Variants in PIGR observed in about 807,000 individuals in gnomAD.
The protein encoded by PIGR is hepatocellular carcinoma associated protein TB6.
PIGR carries 22 observed loss-of-function variants against 69.5 expected under a neutral mutation model. That is an observed-to-expected ratio of 0.32 (90% CI 0.23 to 0.45). The LOEUF (loss-of-function observed/expected upper bound fraction) is 0.45. Ranked by LOEUF, PIGR falls within the 20% of genes least tolerant of loss-of-function variation. The pLI, the probability that PIGR is intolerant of heterozygous loss-of-function variation, is 1.00. For missense variants in PIGR, 885 were observed against 974.0 expected (o/e 0.91, Z 1.22); for synonymous variants, 413 against 407.6 (o/e 1.01, Z -0.16).
chr1:206,935,858 G>T lies in PIGR; in HGVS notation c.1046-40C>A. The T allele has an allele frequency of 6.7e-7, 1 of 1,490,174 alleles. No homozygotes were observed. The highest frequency in any genetic ancestry group is 9.1e-7 in the Non-Finnish European group (1 of 1,095,326). The allele number at this position is 1,490,174 out of a possible 1,614,324, so 92.3% of individuals were successfully genotyped here. A position where few individuals can be genotyped will look rare whatever the true frequency, so the allele number is the denominator to read the frequency against. On this transcript the variant is annotated intron_variant, in intron 4 of 10. Transcript: ENST00000356495. This position sits in a 1 kb window ranked among gnomAD's most constrained non-coding sequence, Gnocchi z 4.4. ...AGAGATGGGATGGGAGGATGGCCAC[G>T]CAGGAAGAGCCTTGCGTGGCCTGAG...
chr1:206,935,531 C>A lies in PIGR; in HGVS notation c.1333G>T (p.Gly445Cys), dbSNP rs201253518. The change falls in exon 5 of 11, where the codon GGC (glycine) becomes TGC (cysteine). Residue 445 changes from glycine to cysteine, a missense_variant. Physicochemically the swap from Gly to Cys is radical, Grantham distance 159. Transcript: ENST00000356495. This position sits in a 1 kb window ranked among gnomAD's most constrained non-coding sequence, Gnocchi z 4.4. ...DAGFYWCLTN[G>C]DTLWRTTVEI... is the part of the protein sequence containing the mutation. ...ACGGTGGTCCTCCAGAGAGTATCGC[C>A]GTTGGTCAGACACCAGTAGAAGCCG... The A allele has an allele frequency of 6.2e-7, 1 of 1,614,004 alleles. No homozygotes were observed. The highest frequency in any genetic ancestry group is 1.7e-5 in the Admixed American group (1 of 59,994).
intron 1 of PIGR, among the ~76,000 whole-genome samples, chr1:206,942,319 A>G (rs1217583709): frequency 3.3e-5 from 5 of 152,198 alleles, no homozygotes; most frequent in Non-Finnish European, 5.9e-5. Context: ...CTGGGATGTC[A>G]TCACCTGCGT....
chr1:206,943,426 C>T (rs931688574), intron 1 of PIGR, among the ~76,000 whole-genome samples: 1 of 152,126 alleles, frequency 6.6e-6, no homozygotes, highest in African/African-American at 2.4e-5. Flanking sequence ...TTTTCTGGTC[C>T]TTAAACTAGC....
At chr1:206,931,892 T>C (rs970841249) in intron 8 of PIGR, 90 bp from the exon 9 acceptor site, 13 of 1,443,698 alleles carry the variant, frequency 9.0e-6, no homozygotes, top group Admixed American at 3.4e-5. Flanking sequence ...GGATCCACTG[T>C]AGCCCTGCAG....
Position 206,941,487 on chromosome 1 carries a change from G to T in PIGR, c.-53-903C>A, listed in dbSNP as rs1679984390. 2.6e-5 allele frequency among the ~76,000 whole-genome samples: 4 copies of T among 152,346 alleles called. No individual in the cohort carries two copies. The South Asian group carries it at 8.3e-4, about 32-fold the overall frequency. On this transcript the variant is annotated intron_variant, in intron 1 of 10. Coordinates refer to ENST00000356495, the MANE Select transcript of PIGR (RefSeq NM_002644.4). ...AGCTTTATATGTTCCCTTGAAATAA[G>T]ACAGACGGGTATAATCACAACCATT...
intron 1 of PIGR, among the ~76,000 whole-genome samples, chr1:206,945,394 C>T (rs1466870861): frequency 1.3e-5 from 2 of 152,086 alleles, no homozygotes; most frequent in African/African-American, 4.8e-5. Context: ...GCCCTTGTGC[C>T]GGACGGTCCC....
At chr1:206,945,041 G>A (rs1680077302) in intron 1 of PIGR, among the ~76,000 whole-genome samples, 1 of 152,198 alleles carries the variant, frequency 6.6e-6, no homozygotes, top group Admixed American at 6.5e-5. Context: ...ATCACCTAAA[G>A]CCACAGAGGT....
rs564133543 is a variant in PIGR, at chr1:206,931,666, C to T, written c.2140+5G>A. 6.2e-7 allele frequency: 1 copy of T among 1,614,166 alleles called. No homozygotes were observed. The highest frequency in any genetic ancestry group is 1.3e-5 in the African/African-American group (1 of 75,032). ...GCTGAGCATTCCCTTGAGTGAGGGT[C>T]ATACCTTCTTTTCCTCCGAGGGATG... On this transcript the variant is annotated splice_donor_5th_base_variant and intron_variant, in intron 9 of 10. Coordinates refer to ENST00000356495, the MANE Select transcript of PIGR (RefSeq NM_002644.4).
Position 206,946,461 on chromosome 1 carries a change from C to A in PIGR, c.-179G>T, listed in dbSNP as rs1680108914. ...GGACGCTGCTGCCAAAACTGAAACT[C>A]TGCTCAGTGTTTGACCCACACCTGG... On this transcript the variant is annotated 5_prime_UTR_variant, in exon 1 of 11. Transcript: ENST00000356495. 6.6e-6 allele frequency: 1 copy of A among 152,252 alleles called. No individual in the cohort carries two copies. The allele number at this position is 152,252 out of a possible 1,614,324, so 9.4% of individuals were successfully genotyped here.
chr1:206,939,591 T>C (rs1227324370), intron 2 of PIGR, 128 bp from the exon 3 acceptor site: 1 of 593,980 alleles, frequency 1.7e-6, no homozygotes, highest in Non-Finnish European at 3.0e-6. Flanking sequence ...TTATCATATA[T>C]CACAGCTGGA....
chr1:206,943,209 A>G (rs1377568806), intron 1 of PIGR, among the ~76,000 whole-genome samples: 3 of 152,202 alleles, frequency 2.0e-5, no homozygotes, highest in African/African-American at 7.2e-5. Flanking sequence ...GTAAGACTTC[A>G]TCCATCAGCA....
Position 206,937,507 on chromosome 1 carries a change from C to T in PIGR, c.633G>A (p.Arg211=), listed in dbSNP as rs766829444. 21 of 1,614,196 alleles carry T rather than the reference C, an allele frequency of 1.3e-5. No homozygotes were observed. Among genetic ancestry groups the T allele is most frequent in the South Asian group, 7.7e-5 (7 of 91,088 alleles). Residue 211 remains arginine, a synonymous_variant, in exon 4 of 11, where the codon AGG becomes AGA. Coordinates refer to ENST00000356495, the MANE Select transcript of PIGR (RefSeq NM_002644.4). ...LLFSVVINQL[R]LSDAGQYLCQ... is the part of the protein sequence containing the mutation. Reference sequence around the variant, plus strand: ...AGAGATACTGCCCAGCATCGCTGAGCCTGAGTTGGTTGATGACAACGCTGA... The same window carrying T: ...AGAGATACTGCCCAGCATCGCTGAGTCTGAGTTGGTTGATGACAACGCTGA...
At chr1:206,932,677 T>C in intron 7 of PIGR, 100 bp from the exon 8 acceptor site, 1 of 1,374,012 alleles carries the variant, frequency 7.3e-7, no homozygotes, top group Admixed American at 2.7e-5. Context: ...CCCAGGTTTA[T>C]CCACCCCACC....
rs1191993770 is a variant in PIGR at position 206,930,829 on chromosome 1, T to C, written c.2200-416A>G. The C allele has an allele frequency of 1.0e-6, 1 of 985,390 alleles. No homozygotes were observed. The highest frequency in any genetic ancestry group is 1.1e-4 in the East Asian group (1 of 8,820). The allele number at this position is 985,390 out of a possible 1,614,324, so 61.0% of individuals were successfully genotyped here. A position where few individuals can be genotyped will look rare whatever the true frequency, so the allele number is the denominator to read the frequency against. On this transcript the variant is annotated intron_variant, in intron 10 of 10. Transcript: ENST00000356495. The surrounding 1 kb of genome is among the most constrained non-coding windows in gnomAD (Gnocchi z 4.3). ...AGGGGAAGGCTGTCCCAGGAATAAC[T>C]CGTTCTAACTTTGCTAAATGCCAGA...
Position 206,930,932 on chromosome 1 carries a change from G to A in PIGR, c.2200-519C>T. 2.0e-6 allele frequency: 2 copies of A among 985,406 alleles called. No homozygotes were observed. Among genetic ancestry groups the A allele is most frequent in the Non-Finnish European group, 2.4e-6 (2 of 829,920 alleles). The allele number at this position is 985,406 out of a possible 1,614,324, so 61.0% of individuals were successfully genotyped here. A position where few individuals can be genotyped will look rare whatever the true frequency, so the allele number is the denominator to read the frequency against. ...ACTCTCACCTCGGGATTAAAGGCATGAGATGTTATTTTTCTTGGTCCCCTG... is the reference window on the plus strand; with the variant it reads ...ACTCTCACCTCGGGATTAAAGGCATAAGATGTTATTTTTCTTGGTCCCCTG... On this transcript the variant is annotated intron_variant, in intron 10 of 10. Coordinates refer to ENST00000356495, the MANE Select transcript of PIGR (RefSeq NM_002644.4). The surrounding 1 kb of genome is among the most constrained non-coding windows in gnomAD (Gnocchi z 4.3).
At position 206,931,800 on chromosome 1, in the gene PIGR, G is replaced by A. The variant is rs1165058861; in HGVS notation, c.2011C>T (p.Arg671Ter). 5 of 1,614,016 alleles carry A rather than the reference G, an allele frequency of 3.1e-6. No homozygotes were observed. The highest frequency in any genetic ancestry group is 4.2e-6 in the Non-Finnish European group (5 of 1,180,004). The change falls in exon 9 of 11, where the codon CGA becomes TGA. Residue 671 changes from arginine (R) to a stop codon, truncating the protein, a stop_gained and splice_region_variant. Coordinates refer to ENST00000356495, the MANE Select transcript of PIGR (RefSeq NM_002644.4). LOFTEE classifies it high-confidence loss of function. ...ARARHRKNVD[R>*]VSIRSYRTDI... is the part of the protein sequence containing the mutation. The stretch of plus-strand genomic sequence containing the variant: ...GTCCTGTAGCTTCTGATTGAAACTC[G>A]GTCTGTCCGGGAGGAAGAGGAGTTG...
intron 7 of PIGR, 81 bp from the exon 8 acceptor site, chr1:206,932,658 CT>C: frequency 4.1e-6 from 6 of 1,472,610 alleles, no homozygotes; most frequent in Non-Finnish European, 4.5e-6. Context: ...TGGCTTAGTC[CT>C]TTTTCCTCCC....
chr1:206,939,103 G>C lies in PIGR; in HGVS notation c.388+16C>G, dbSNP rs371975568. On this transcript the variant is annotated intron_variant, in intron 3 of 10. Transcript: ENST00000356495. ...TCTAACTTTCCCCCAGAAGCCCAAG[G>C]AGCTTGGATCCTTACCCTGGCTGAC... The C allele has an allele frequency of 1.1e-5, 18 of 1,585,958 alleles. No individual in the cohort carries two copies. In the African/African-American group the frequency reaches 1.5e-4, roughly 13 times the overall value.
Position 206,933,164 on chromosome 1 carries a change from A to G in PIGR, c.1708T>C (p.Ser570Pro). 6.2e-7 allele frequency: 1 copy of G among 1,613,882 alleles called. No individual in the cohort carries two copies. The highest frequency in any genetic ancestry group is 8.5e-7 in the Non-Finnish European group (1 of 1,179,918). ...VAVEERKAAG[S>P]RDVSLAKADA... The stretch of plus-strand genomic sequence containing the variant: ...GCCTTCGCTAGGCTGACATCGCGGG[A>G]CCCTGCAGCAGGGAAGAGTGGGCCT... The change falls in exon 7 of 11, where the codon TCC becomes CCC. Residue 570 changes from serine to proline, a missense_variant and splice_region_variant. By Grantham distance (74) the Ser-to-Pro change is moderately conservative (BLOSUM62 -1). Transcript: ENST00000356495.
Sources: gnomAD v4.1 joint callset for allele counts (sites outside exome capture counted in the v4.1 genomes callset) on GRCh38, gnomAD v4.1.1 for gene constraint, Gnocchi (gnomAD v3.1) non-coding constraint, MANE v1.5 for transcripts, NCBI Gene and HGNC (gene_info 2026-07-23, HGNC 2026-07-21) for gene names.